The following EYS variants were observed in gnomAD, a reference collection of about 807,000 sequenced individuals.
EYS encodes the protein EGF-like photoreceptor maintenance factor.
EYS carries 250 observed loss-of-function variants against 282.1 expected under a neutral mutation model. The ratio of observed to expected loss-of-function variants is 0.89; its 90% CI spans 0.80 to 0.98. The LOEUF is 0.98. Among genes scored for constraint, EYS ranks in the 50% least tolerant of loss-of-function variants. The pLI is 0.00. For missense variants in EYS, 4,016 were observed against 3,709.0 expected, an observed-to-expected ratio of 1.08 and a Z score of -2.15; for synonymous variants, 1,355 against 1,282.9, an observed-to-expected ratio of 1.06 and a Z score of -1.20.
chr6:64,151,322 TA>T (rs1774707247), intron 31 of EYS, among the ~76,000 whole-genome samples: 5 of 45,432 alleles, frequency 1.1e-4, no homozygotes, highest in African/African-American at 5.6e-4. Flanking sequence ...TATATTTATA[TA>T]TATATATATA....
chr6:63,774,059 G>A (rs1393700341), intron 40 of EYS, among the ~76,000 whole-genome samples: 1 of 152,088 alleles, frequency 6.6e-6, no homozygotes. Flanking sequence ...AATCTTTGAT[G>A]CATTTTACAT....
chr6:64,629,379 T>C (rs960508792), intron 22 of EYS, among the ~76,000 whole-genome samples: 6 of 152,040 alleles, frequency 3.9e-5, no homozygotes, highest in Non-Finnish European at 8.8e-5. Flanking sequence ...ATATAAATAA[T>C]TTGAAATAAT....
chr6:64,200,895 A>G (rs1219459157), intron 31 of EYS, among the ~76,000 whole-genome samples: 2 of 151,974 alleles, frequency 1.3e-5, no homozygotes, highest in Admixed American at 1.3e-4. Flanking sequence ...TACTTAGTCT[A>G]TACTTCATTC....
rs181276120 is a variant in EYS at position 64,589,772 on chromosome 6, T to C, written c.5644+451A>G. On this transcript the variant is annotated intron_variant, in intron 26 of 42. Coordinates refer to ENST00000503581, the MANE Select transcript of EYS (RefSeq NM_001142800.2). ...AATTTAAAAATGATATACCATGCCA[T>C]AGAGGATAGGAAATCTCAAGAAAGT... 2.6e-5 allele frequency among the ~76,000 whole-genome samples: 4 copies of C among 152,170 alleles called. No homozygotes were observed. The East Asian group carries it at 5.8e-4, about 22-fold the overall frequency.
intron 2 of EYS, among the ~76,000 whole-genome samples, chr6:65,515,369 G>A (rs1218237912): frequency 6.6e-6 from 1 of 152,266 alleles, no homozygotes. Context: ...CAACCATTGT[G>A]GAAGTTGGTG....
rs557545611 is a variant in EYS at position 65,011,837 on chromosome 6, C to T, written c.2138-14134G>A. ...AAGAAATAGCCAATCATCTGTTGCC[C>T]GAGAGCACAGCGGGAGGGACAATGA... is the stretch of plus-strand genomic sequence containing the variant. On this transcript the variant is annotated intron_variant, in intron 13 of 42. Transcript: ENST00000503581. Among the ~76,000 whole-genome samples the T allele has an allele frequency of 7.0e-4, 107 of 152,224 alleles. 1 individual carries two copies. In the South Asian group the frequency reaches 0.011, roughly 16 times the overall value.
intron 12 of EYS, among the ~76,000 whole-genome samples, chr6:65,136,718 T>C (rs1243517251): frequency 2.0e-5 from 3 of 152,084 alleles, no homozygotes; most frequent in African/African-American, 7.2e-5. Flanking sequence ...CAGGATCTCA[T>C]ACTATCAACC....
intron 22 of EYS, among the ~76,000 whole-genome samples, chr6:64,706,477 T>TA (rs1236944983): frequency 6.6e-6 from 1 of 151,898 alleles, no homozygotes; most frequent in African/African-American, 2.4e-5. Context: ...TTAATTAAAC[T>TA]AAAAAACTCT....
chr6:65,379,653 A>C (rs1156310314), intron 8 of EYS, among the ~76,000 whole-genome samples: 1 of 152,030 alleles, frequency 6.6e-6, no homozygotes, highest in Non-Finnish European at 1.5e-5. Flanking sequence ...AGGGTATTCA[A>C]ATAGGAAGAG....
At chr6:64,948,245 A>G (rs1429467771) in intron 14 of EYS, among the ~76,000 whole-genome samples, 1 of 151,342 alleles carries the variant, frequency 6.6e-6, no homozygotes, top group Admixed American at 6.6e-5. Flanking sequence ...CATAGCAACT[A>G]AAAATAACCC....
intron 22 of EYS, among the ~76,000 whole-genome samples, chr6:64,675,670 C>T (rs529322130): frequency 5.3e-5 from 8 of 151,766 alleles, no homozygotes; most frequent in African/African-American, 1.4e-4. Flanking sequence ...TCAGGTGATC[C>T]GCCCACCTTG....
At chr6:64,177,477 C>G (rs1231408645) in intron 31 of EYS, among the ~76,000 whole-genome samples, 1 of 151,868 alleles carries the variant, frequency 6.6e-6, no homozygotes, top group Non-Finnish European at 1.5e-5. Context: ...AATTAGTTCT[C>G]CCTTTTTGAA....
At chr6:64,541,970 T>C (rs1216948713) in intron 26 of EYS, among the ~76,000 whole-genome samples, 1 of 152,192 alleles carries the variant, frequency 6.6e-6, no homozygotes, top group Non-Finnish European at 1.5e-5. Context: ...ATGTGGTTCA[T>C]CATTTATATT....
intron 5 of EYS, among the ~76,000 whole-genome samples, chr6:65,443,392 A>G (rs756233872): frequency 3.2e-5 from 4 of 126,028 alleles, no homozygotes; most frequent in African/African-American, 1.0e-4. Context: ...ACATATATGC[A>G]TACATGTATG....
chr6:64,013,388 A>T (rs1768738316), intron 33 of EYS, among the ~76,000 whole-genome samples: 1 of 152,238 alleles, frequency 6.6e-6, no homozygotes, highest in Admixed American at 6.5e-5. Context: ...AAAAGCATTC[A>T]TATAATGACA....
chr6:65,569,429 G>A (rs773840162), intron 2 of EYS, among the ~76,000 whole-genome samples: 4 of 152,022 alleles, frequency 2.6e-5, no homozygotes, highest in Non-Finnish European at 2.9e-5. Flanking sequence ...ACAGTTTTTC[G>A]AAAACAAATC....
At chr6:64,636,388 T>C (rs1017976436) in intron 22 of EYS, among the ~76,000 whole-genome samples, 5 of 152,230 alleles carry the variant, frequency 3.3e-5, no homozygotes, top group African/African-American at 4.8e-5. Context: ...GCTAGCCATA[T>C]GTAGAAAGCT....
intron 30 of EYS, among the ~76,000 whole-genome samples, chr6:64,274,261 T>TGTCTCC: frequency 6.6e-6 from 1 of 152,256 alleles, no homozygotes; most frequent in South Asian, 2.1e-4. Context: ...CTGCAACCTG[T>TGTCTCC]GTCTCCTGGG....
At chr6:64,099,370 T>C (rs1374954002) in intron 31 of EYS, among the ~76,000 whole-genome samples, 1 of 152,254 alleles carries the variant, frequency 6.6e-6, no homozygotes, top group Non-Finnish European at 1.5e-5. Flanking sequence ...TTACCTAGTA[T>C]GTAAATATTC....
Sources: allele counts gnomAD v4.1 joint callset (sites outside exome capture counted in the v4.1 genomes callset), GRCh38; gene constraint gnomAD v4.1.1; transcripts MANE v1.5; gene names NCBI Gene and HGNC (gene_info 2026-07-23, HGNC 2026-07-21).